CCDC148: variants seen among roughly 807,000 people sequenced by gnomAD.
CCDC148 encodes the protein coiled-coil domain-containing protein 148.
CCDC148 carries 89 observed loss-of-function variants against 85.7 expected under a neutral mutation model. The observed-to-expected ratio is 1.04, with a 90% CI of 0.87 to 1.24. The LOEUF is 1.24. Among genes scored for constraint, CCDC148 ranks in the 50% most tolerant of loss-of-function variants. The pLI is 0.00. For synonymous variants in CCDC148, 230 were observed against 213.9 expected (o/e 1.08, Z -0.66); for missense variants, 692 against 671.7 (o/e 1.03, Z -0.33).
At chr2:158,379,682 G>A (rs1416039307) in intron 1 of CCDC148, among the ~76,000 whole-genome samples, 2 of 152,070 alleles carry the variant, frequency 1.3e-5, no homozygotes, top group Admixed American at 6.6e-5. Context: ...TCAACATTGA[G>A]GCAAGACCCT....
intron 11 of CCDC148, among the ~76,000 whole-genome samples, chr2:158,214,734 C>T (rs1686756925): frequency 6.6e-6 from 1 of 151,926 alleles, no homozygotes; most frequent in East Asian, 1.9e-4. Flanking sequence ...CTGAAGGAAA[C>T]TTATAATTGG....
chr2:158,434,618 G>A (rs1008329955), intron 1 of CCDC148, among the ~76,000 whole-genome samples: 8 of 152,196 alleles, frequency 5.3e-5, no homozygotes, highest in African/African-American at 1.9e-4. Context: ...GCTGGACGGA[G>A]AATGAATTTG....
intron 10 of CCDC148, among the ~76,000 whole-genome samples, chr2:158,242,693 A>T (rs922011347): frequency 6.7e-6 from 1 of 149,206 alleles, no homozygotes. Context: ...TGGTAAATAC[A>T]TCCTCTTAGA....
At chr2:158,257,723 T>C (rs956129109) in intron 9 of CCDC148, among the ~76,000 whole-genome samples, 50 of 151,856 alleles carry the variant, frequency 3.3e-4, no homozygotes, top group Admixed American at 1.2e-3. Flanking sequence ...TCAAAGATAA[T>C]GCACTATTAT....
At chr2:158,450,796 C>G (rs1455796022) in intron 1 of CCDC148, among the ~76,000 whole-genome samples, 1 of 151,984 alleles carries the variant, frequency 6.6e-6, no homozygotes, top group Admixed American at 6.6e-5. Context: ...TATGTTTATT[C>G]TATTTGGTGT....
chr2:158,219,558 C>T (rs553202111), intron 11 of CCDC148, among the ~76,000 whole-genome samples: 24 of 152,322 alleles, frequency 1.6e-4, no homozygotes, highest in Non-Finnish European at 2.6e-4. Flanking sequence ...GTAGGGGACA[C>T]AAGTGTTGCT....
At chr2:158,410,046 T>C (rs781556806) in intron 1 of CCDC148, among the ~76,000 whole-genome samples, 14 of 152,208 alleles carry the variant, frequency 9.2e-5, no homozygotes, top group Non-Finnish European at 1.3e-4. Context: ...TGTGAGTCCA[T>C]TAAAATTATT....
At chr2:158,253,903 A>T (rs1421868699) in intron 9 of CCDC148, among the ~76,000 whole-genome samples, 2 of 151,662 alleles carry the variant, frequency 1.3e-5, no homozygotes, top group African/African-American at 4.8e-5. Flanking sequence ...AGCATACAGC[A>T]TTCCCATGAA....
chr2:158,273,224 T>G (rs953211149), intron 9 of CCDC148, among the ~76,000 whole-genome samples: 2 of 152,244 alleles, frequency 1.3e-5, no homozygotes, highest in Non-Finnish European at 2.9e-5. Context: ...TAAAAGAAGA[T>G]GAAGATGGGT....
intron 11 of CCDC148, among the ~76,000 whole-genome samples, chr2:158,203,315 C>G (rs1686065743): frequency 6.6e-6 from 1 of 152,144 alleles, no homozygotes; most frequent in African/African-American, 2.4e-5. Flanking sequence ...ATATTAGATA[C>G]TGATACAAAT....
At chr2:158,347,658 C>G (rs1010460629) in intron 2 of CCDC148, among the ~76,000 whole-genome samples, 8 of 151,976 alleles carry the variant, frequency 5.3e-5, no homozygotes, top group Non-Finnish European at 8.8e-5. Context: ...GAATCAGAAA[C>G]CAGGGGTTTC....
intron 2 of CCDC148, among the ~76,000 whole-genome samples, chr2:158,353,169 T>G (rs1414889477): frequency 1.5e-5 from 2 of 134,094 alleles, no homozygotes; most frequent in African/African-American, 5.8e-5. Context: ...CTGCATCAAC[T>G]AACGAGCAAA....
intron 11 of CCDC148, among the ~76,000 whole-genome samples, chr2:158,213,846 T>C (rs1025768680): frequency 6.6e-6 from 1 of 152,062 alleles, no homozygotes; most frequent in African/African-American, 2.4e-5. Context: ...ACTGCAGCTG[T>C]AGAGAACTCT....
chr2:158,314,525 A>G (rs1692189834), intron 7 of CCDC148, among the ~76,000 whole-genome samples: 1 of 152,238 alleles, frequency 6.6e-6, no homozygotes, highest in Non-Finnish European at 1.5e-5. Flanking sequence ...TCACCTTCCC[A>G]GTAACATATC....
intron 9 of CCDC148, among the ~76,000 whole-genome samples, chr2:158,274,731 G>C (rs2049188): frequency 0.064 from 9,785 of 152,222 alleles, 384 homozygotes; most frequent in Non-Finnish European, 0.081. Flanking sequence ...CAAGTTTATA[G>C]CAGGAAAGTA....
At chr2:158,176,394 A>AAATTATGCT in intron 13 of CCDC148, 127 bp downstream of exon 13, 2 of 882,904 alleles carry the variant, frequency 2.3e-6, no homozygotes, top group South Asian at 4.2e-5. Flanking sequence ...TTAGAAGTAA[A>AAATTATGCT]AATTATGCTA....
intron 9 of CCDC148, among the ~76,000 whole-genome samples, chr2:158,293,705 G>C (rs887600270): frequency 3.9e-5 from 6 of 152,268 alleles, no homozygotes; most frequent in African/African-American, 1.4e-4. Context: ...AGCAGAGGTT[G>C]AGTCTTAGAA....
chr2:158,331,378 G>C (rs1347105439), intron 7 of CCDC148, among the ~76,000 whole-genome samples: 4 of 152,178 alleles, frequency 2.6e-5, no homozygotes. Flanking sequence ...GAGATAGTTT[G>C]TTATAATTTC....
At chr2:158,325,934 C>CA (rs1692749587) in intron 7 of CCDC148, among the ~76,000 whole-genome samples, 1 of 152,146 alleles carries the variant, frequency 6.6e-6, no homozygotes, top group East Asian at 1.9e-4. Context: ...TTCTACCCCC[C>CA]AGCCCCACAG....
Sources: allele counts gnomAD v4.1 joint callset (sites outside exome capture counted in the v4.1 genomes callset), GRCh38; gene constraint gnomAD v4.1.1; transcripts MANE v1.5; gene names NCBI Gene and HGNC (gene_info 2026-07-23, HGNC 2026-07-21).